FAXC: variants seen among roughly 807,000 people sequenced by gnomAD.
The protein encoded by FAXC is failed axon connections homolog, metaxin like GST domain containing.
In FAXC, 10 loss-of-function variants were observed where a neutral mutation model predicts 41.9. That is an observed-to-expected ratio of 0.24 (90% CI 0.15 to 0.41). FAXC has a LOEUF of 0.41. Ranked by LOEUF, FAXC falls within the 10% of genes least tolerant of loss-of-function variation. FAXC has a pLI of 1.00. For missense variants in FAXC, 399 were observed against 510.9 expected, an observed-to-expected ratio of 0.78 and a Z score of 2.11; for synonymous variants, 183 against 183.8, an observed-to-expected ratio of 1.00 and a Z score of 0.03.
chr6:99,315,248 A>AC (rs1225009037), intron 4 of FAXC, among the ~76,000 whole-genome samples: 5 of 134,954 alleles, frequency 3.7e-5, no homozygotes, highest in African/African-American at 1.4e-4. Flanking sequence ...AAAAAAAAAA[A>AC]AAAAAAAAAA....
chr6:99,343,410 A>G (rs1472066541), intron 1 of FAXC, among the ~76,000 whole-genome samples: 2 of 152,236 alleles, frequency 1.3e-5, no homozygotes, highest in Non-Finnish European at 2.9e-5. Flanking sequence ...CTGGATGGAT[A>G]AAAATGATAT....
Position 99,273,314 on chromosome 6 carries a change from G to C in FAXC, c.*7850C>G, listed in dbSNP as rs942593527. The C allele has an allele frequency of 8.6e-5, 13 of 151,848 alleles. No individual in the cohort carries two copies. Among genetic ancestry groups the C allele is most frequent in the African/African-American group, 3.1e-4 (13 of 41,316 alleles). The allele number at this position is 151,848 out of a possible 1,614,324, so 9.4% of individuals were successfully genotyped here. ...AAGTCTGCACATCTTCCACACATTT[G>C]AAGACACAAGATTATAAACAAATAG... is the stretch of plus-strand genomic sequence containing the variant. On this transcript the variant is annotated 3_prime_UTR_variant, in exon 6 of 6. Coordinates refer to ENST00000389677, the MANE Select transcript of FAXC (RefSeq NM_032511.4).
At chr6:99,297,485 C>T (rs1315431059) in intron 4 of FAXC, among the ~76,000 whole-genome samples, 1 of 152,074 alleles carries the variant, frequency 6.6e-6, no homozygotes, top group Non-Finnish European at 1.5e-5. Context: ...ACTTGATGAG[C>T]AAGGGAACCA....
rs1310076658 is a variant in FAXC at position 99,278,628 on chromosome 6, T to C, written c.*2536A>G. 1 of 152,216 alleles carries C rather than the reference T, an allele frequency of 6.6e-6. No individual in the cohort carries two copies. Among genetic ancestry groups the C allele is most frequent in the African/African-American group, 2.4e-5 (1 of 41,468 alleles). The allele number at this position is 152,216 out of a possible 1,614,324, so 9.4% of individuals were successfully genotyped here. A position where few individuals can be genotyped will look rare whatever the true frequency, so the allele number is the denominator to read the frequency against. On this transcript the variant is annotated 3_prime_UTR_variant, in exon 6 of 6. Transcript: ENST00000389677. The stretch of plus-strand genomic sequence containing the variant: ...AGACTCACACTATGGTGACTTTGTC[T>C]TGGTTATTTTGTTTGCATAACCCGC...
At chr6:99,310,116 C>T (rs1419595969) in intron 4 of FAXC, among the ~76,000 whole-genome samples, 1 of 152,138 alleles carries the variant, frequency 6.6e-6, no homozygotes, top group Non-Finnish European at 1.5e-5. Context: ...AAAATTTACT[C>T]ACACCAAAAA....
At chr6:99,339,491 C>T (rs1309693661) in intron 2 of FAXC, among the ~76,000 whole-genome samples, 1 of 152,102 alleles carries the variant, frequency 6.6e-6, no homozygotes, top group Non-Finnish European at 1.5e-5. Flanking sequence ...AGATAAGTAC[C>T]ACTACTATGA....
At chr6:99,348,149 A>G (rs183961869) in intron 1 of FAXC, among the ~76,000 whole-genome samples, 1 of 152,314 alleles carries the variant, frequency 6.6e-6, no homozygotes, top group Non-Finnish European at 1.5e-5. Context: ...CCTCCACTGG[A>G]ATAAGGCAGT....
intron 4 of FAXC, 25 bp from the exon 5 acceptor site, chr6:99,291,845 C>CA: frequency 6.4e-7 from 1 of 1,562,372 alleles, no homozygotes; most frequent in African/African-American, 1.4e-5. Flanking sequence ...GCAGAGAAGT[C>CA]AATGGGCTGG....
intron 4 of FAXC, among the ~76,000 whole-genome samples, chr6:99,297,850 C>T (rs576203198): frequency 5.6e-4 from 85 of 152,328 alleles, no homozygotes; most frequent in African/African-American, 2.0e-3. Flanking sequence ...GCTTCCCACA[C>T]GGTCCCAGTC....
intron 3 of FAXC, among the ~76,000 whole-genome samples, chr6:99,331,897 A>G (rs1312054633): frequency 6.6e-6 from 1 of 152,222 alleles, no homozygotes; most frequent in East Asian, 1.9e-4. Flanking sequence ...AGATGCAGTC[A>G]TGCATTCTGG....
chr6:99,315,432 A>T (rs1456734592), intron 4 of FAXC, among the ~76,000 whole-genome samples: 2 of 152,058 alleles, frequency 1.3e-5, no homozygotes, highest in Admixed American at 1.3e-4. Context: ...TATCTCCCTC[A>T]GGTGGCAGCT....
intron 1 of FAXC, among the ~76,000 whole-genome samples, chr6:99,345,584 G>A (rs553196289): frequency 4.2e-4 from 64 of 152,190 alleles, no homozygotes; most frequent in Admixed American, 1.9e-3. Context: ...TTATATAAGA[G>A]GACAGCCATA....
chr6:99,300,272 T>G (rs1396188690), intron 4 of FAXC, among the ~76,000 whole-genome samples: 1 of 152,234 alleles, frequency 6.6e-6, no homozygotes, highest in African/African-American at 2.4e-5. Context: ...CTCTGGACAC[T>G]CAGAGAATCC....
intron 2 of FAXC, among the ~76,000 whole-genome samples, chr6:99,337,287 G>T (rs1773250751): frequency 2.0e-5 from 3 of 151,728 alleles, no homozygotes; most frequent in African/African-American, 7.3e-5. Context: ...GGGGAGACAA[G>T]GTCAGCAAAT....
chr6:99,299,828 A>C (rs1235249075), intron 4 of FAXC, among the ~76,000 whole-genome samples: 1 of 152,126 alleles, frequency 6.6e-6, no homozygotes, highest in Admixed American at 6.6e-5. Flanking sequence ...CACTTCCTTC[A>C]CAAAGCCCTT....
intron 5 of FAXC, among the ~76,000 whole-genome samples, chr6:99,289,490 A>T (rs558091993): frequency 1.3e-3 from 193 of 152,014 alleles, no homozygotes; most frequent in Middle Eastern, 6.8e-3. Flanking sequence ...ATTTATTTTT[A>T]AAAAAAAATT....
At chr6:99,290,179 G>A (rs1034974926) in intron 5 of FAXC, among the ~76,000 whole-genome samples, 5 of 149,472 alleles carry the variant, frequency 3.3e-5, no homozygotes, top group Admixed American at 1.3e-4. Context: ...ATCAATCCAA[G>A]GTGAGCTATC....
At chr6:99,339,384 A>G (rs1773336480) in intron 2 of FAXC, among the ~76,000 whole-genome samples, 2 of 152,354 alleles carry the variant, frequency 1.3e-5, no homozygotes, top group South Asian at 2.1e-4. Flanking sequence ...TCAGAGGTAC[A>G]GGACCTGTGG....
At chr6:99,288,409 G>T (rs965874242) in intron 5 of FAXC, among the ~76,000 whole-genome samples, 5 of 152,112 alleles carry the variant, frequency 3.3e-5, no homozygotes, top group African/African-American at 1.2e-4. Context: ...GTGTGTAAGG[G>T]TGGTATGGTA....
Sources: gnomAD v4.1 joint callset for allele counts (sites outside exome capture counted in the v4.1 genomes callset) on GRCh38, gnomAD v4.1.1 for gene constraint, MANE v1.5 for transcripts, NCBI Gene and HGNC (gene_info 2026-07-23, HGNC 2026-07-21) for gene names.